HS6ST3: variants seen among roughly 807,000 people sequenced by gnomAD.
HS6ST3 encodes the protein heparan-sulfate 6-O-sulfotransferase 3.
A neutral mutation model predicts 36.7 loss-of-function variants in HS6ST3; 12 were observed. That is an observed-to-expected ratio of 0.33 (90% CI 0.21 to 0.53). The LOEUF (loss-of-function observed/expected upper bound fraction) is 0.53, where lower values mean the gene tolerates loss of function less well. HS6ST3 is among the 20% of genes least tolerant of loss of function. The pLI, the probability that HS6ST3 is intolerant of heterozygous loss-of-function variation, is 0.95. For missense variants in HS6ST3, 584 were observed against 640.9 expected, an observed-to-expected ratio of 0.91 and a Z score of 0.96; for synonymous variants, 240 against 257.5, an observed-to-expected ratio of 0.93 and a Z score of 0.65.
At chr13:96,098,557 A>C (rs1423439826) in intron 1 of HS6ST3, among the ~76,000 whole-genome samples, 1 of 152,206 alleles carries the variant, frequency 6.6e-6, no homozygotes, top group Non-Finnish European at 1.5e-5. Context: ...ATGGTGGCTC[A>C]CACCTGTAAT....
intron 1 of HS6ST3, among the ~76,000 whole-genome samples, chr13:96,470,611 C>T (rs532820775): frequency 1.3e-5 from 2 of 152,278 alleles, no homozygotes; most frequent in East Asian, 3.9e-4. Flanking sequence ...CTTGCCTCTT[C>T]CATAGTCATG....
At chr13:96,327,753 C>T (rs1471596889) in intron 1 of HS6ST3, among the ~76,000 whole-genome samples, 1 of 152,192 alleles carries the variant, frequency 6.6e-6, no homozygotes, top group East Asian at 1.9e-4. Flanking sequence ...GGCATTGAGT[C>T]TGTAAATTAC....
At chr13:96,125,971 C>T (rs1227930271) in intron 1 of HS6ST3, among the ~76,000 whole-genome samples, 2 of 152,066 alleles carry the variant, frequency 1.3e-5, no homozygotes, top group Admixed American at 6.6e-5. Context: ...TGATGTTCCC[C>T]TTCCTATAAT....
chr13:96,254,519 A>T (rs2054627667), intron 1 of HS6ST3, among the ~76,000 whole-genome samples: 1 of 112,982 alleles, frequency 8.9e-6, no homozygotes, highest in East Asian at 2.8e-4. Flanking sequence ...ACACACACAC[A>T]CTTTTTTCTT....
At chr13:96,691,853 C>T (rs777196564) in intron 1 of HS6ST3, among the ~76,000 whole-genome samples, 20 of 152,036 alleles carry the variant, frequency 1.3e-4, no homozygotes, top group Non-Finnish European at 2.8e-4. Flanking sequence ...AGTTGATTAC[C>T]ATCAGGTAGG....
intron 1 of HS6ST3, among the ~76,000 whole-genome samples, chr13:96,357,240 TG>T (rs2055214678): frequency 6.6e-6 from 1 of 152,246 alleles, no homozygotes; most frequent in African/African-American, 2.4e-5. Context: ...GTGTGTCCAC[TG>T]GAGTAGCACT....
intron 1 of HS6ST3, among the ~76,000 whole-genome samples, chr13:96,657,741 G>C (rs1340783141): frequency 6.6e-6 from 1 of 152,152 alleles, no homozygotes; most frequent in Non-Finnish European, 1.5e-5. Context: ...CATGGCAGCA[G>C]ACATGGAGAA....
intron 1 of HS6ST3, among the ~76,000 whole-genome samples, chr13:96,723,304 C>T (rs1024162147): frequency 5.3e-5 from 8 of 152,024 alleles, no homozygotes; most frequent in African/African-American, 1.4e-4. Flanking sequence ...CTCTACCCTG[C>T]GATCCCCATA....
At position 96,698,278 on chromosome 13, in the gene HS6ST3, G is replaced by A. The variant is rs759091425; in HGVS notation, c.708-134212G>A. Among the ~76,000 whole-genome samples, 53 of 152,116 alleles carry A rather than the reference G, an allele frequency of 3.5e-4. 1 individual carries two copies. Among genetic ancestry groups the A allele is most frequent in the African/African-American group, 1.1e-3 (45 of 41,492 alleles). On this transcript the variant is annotated intron_variant, in intron 1 of 1. Transcript: ENST00000376705. ...TTCTCATTGTTCAATTCCCACCTAC[G>A]AGTGAGAGCATGTGGTGTTTGTTTT... is the stretch of plus-strand genomic sequence containing the variant.
intron 1 of HS6ST3, among the ~76,000 whole-genome samples, chr13:96,415,271 A>G (rs1319667127): frequency 2.0e-5 from 3 of 152,068 alleles, no homozygotes; most frequent in Admixed American, 2.0e-4. Flanking sequence ...AGAGGGAGGG[A>G]GGTAGAGTCA....
At chr13:96,176,222 C>T (rs915685614) in intron 1 of HS6ST3, among the ~76,000 whole-genome samples, 5 of 152,160 alleles carry the variant, frequency 3.3e-5, no homozygotes, top group African/African-American at 4.8e-5. Flanking sequence ...TCACACAACT[C>T]ATCAATTACC....
chr13:96,210,114 CT>C (rs781775701), intron 1 of HS6ST3, among the ~76,000 whole-genome samples: 25 of 152,102 alleles, frequency 1.6e-4, no homozygotes, highest in African/African-American at 3.6e-4. Context: ...TTTTTTCCCC[CT>C]ATGTGTACTT....
intron 1 of HS6ST3, among the ~76,000 whole-genome samples, chr13:96,148,887 C>G (rs1228788627): frequency 6.6e-6 from 1 of 152,126 alleles, no homozygotes; most frequent in Non-Finnish European, 1.5e-5. Context: ...CATATGGTGA[C>G]TGCAAGGTGA....
intron 1 of HS6ST3, among the ~76,000 whole-genome samples, chr13:96,596,107 C>G (rs2056400501): frequency 6.6e-6 from 1 of 152,112 alleles, no homozygotes. Context: ...CCACCCTCTC[C>G]CCTTGTGAAT....
At chr13:96,552,856 G>T (rs528000712) in intron 1 of HS6ST3, among the ~76,000 whole-genome samples, 1 of 152,296 alleles carries the variant, frequency 6.6e-6, no homozygotes, top group South Asian at 2.1e-4. Flanking sequence ...GGATTAGTAA[G>T]GCAGAACCTC....
At chr13:96,601,142 C>T (rs1207937938) in intron 1 of HS6ST3, among the ~76,000 whole-genome samples, 4 of 152,018 alleles carry the variant, frequency 2.6e-5, no homozygotes, top group Admixed American at 1.3e-4. Context: ...TTATATGCTT[C>T]GGTGATGTCC....
At chr13:96,564,650 A>G (rs2056274551) in intron 1 of HS6ST3, among the ~76,000 whole-genome samples, 1 of 152,154 alleles carries the variant, frequency 6.6e-6, no homozygotes, top group African/African-American at 2.4e-5. Flanking sequence ...CTAAACAAAG[A>G]GCTCCTTAAT....
At chr13:96,331,626 G>T (rs1200687300) in intron 1 of HS6ST3, among the ~76,000 whole-genome samples, 3 of 152,154 alleles carry the variant, frequency 2.0e-5, no homozygotes, top group Admixed American at 6.5e-5. Flanking sequence ...GGTTACTGCT[G>T]TCTTTTTGTT....
chr13:96,665,586 G>T (rs1471036820), intron 1 of HS6ST3, among the ~76,000 whole-genome samples: 1 of 152,046 alleles, frequency 6.6e-6, no homozygotes, highest in African/African-American at 2.4e-5. Context: ...AGAAGAGTGG[G>T]AAAAGAATTT....
Sources: gnomAD v4.1 joint callset for allele counts (sites outside exome capture counted in the v4.1 genomes callset) on GRCh38, gnomAD v4.1.1 for gene constraint, MANE v1.5 for transcripts, NCBI Gene and HGNC (gene_info 2026-07-23, HGNC 2026-07-21) for gene names.